ESR1: variants seen among roughly 807,000 people sequenced by gnomAD.
ESR1 encodes estrogen receptor 1, also known as estrogen receptor.
Under a neutral mutation model 52.7 loss-of-function variants are expected in ESR1, and 12 were observed. The ratio of observed to expected loss-of-function variants is 0.23; its 90% CI spans 0.15 to 0.37. The LOEUF is 0.37. Ranked by LOEUF, ESR1 falls within the 10% of genes least tolerant of loss-of-function variation. The pLI, the probability that ESR1 is intolerant of heterozygous loss-of-function variation, is 1.00. For synonymous variants in ESR1, 305 were observed against 316.8 expected (o/e 0.96, Z 0.39); for missense variants, 584 against 779.7 (o/e 0.75, Z 2.99).
chr6:151,663,857 A>C (rs1211645268), intron 1 of ESR1, among the ~76,000 whole-genome samples: 2 of 152,222 alleles, frequency 1.3e-5, no homozygotes. Flanking sequence ...CAATAACTAC[A>C]AAAAGGTGAA....
chr6:152,046,219 T>C (rs924472819), intron 5 of ESR1, among the ~76,000 whole-genome samples: 2 of 152,206 alleles, frequency 1.3e-5, no homozygotes, highest in African/African-American at 4.8e-5. Context: ...GCCTCTCTGT[T>C]TGCATATGAG....
At chr6:151,672,005 T>G (rs1469708439) in intron 1 of ESR1, among the ~76,000 whole-genome samples, 1 of 152,098 alleles carries the variant, frequency 6.6e-6, no homozygotes, top group African/African-American at 2.4e-5. Flanking sequence ...ATTATTTTAA[T>G]TTTTATAAAT....
At chr6:151,974,516 A>G (rs1234190533) in intron 4 of ESR1, among the ~76,000 whole-genome samples, 1 of 152,150 alleles carries the variant, frequency 6.6e-6, no homozygotes, top group Non-Finnish European at 1.5e-5. Context: ...AGGACTTACA[A>G]TCAGAAATCT....
intron 1 of ESR1, among the ~76,000 whole-genome samples, chr6:151,813,919 A>G (rs1779217212): frequency 6.6e-6 from 1 of 152,144 alleles, no homozygotes; most frequent in South Asian, 2.1e-4. Context: ...AGTTCCCCAA[A>G]TGTTGTCAAC....
At chr6:151,901,492 G>C (rs1322136175) in intron 3 of ESR1, among the ~76,000 whole-genome samples, 2 of 152,190 alleles carry the variant, frequency 1.3e-5, no homozygotes, top group Non-Finnish European at 2.9e-5. Context: ...ACAAAGTTCA[G>C]CTGGAGGTTT....
At chr6:151,904,525 T>G (rs1408879930) in intron 3 of ESR1, among the ~76,000 whole-genome samples, 1 of 152,180 alleles carries the variant, frequency 6.6e-6, no homozygotes, top group Non-Finnish European at 1.5e-5. Flanking sequence ...CCCTATAAAT[T>G]ATTAGTTGTA....
At position 151,979,865 on chromosome 6, in the gene ESR1, T is replaced by A. The variant is rs9383953; in HGVS notation, c.1097-31791T>A. 4.8e-3 allele frequency among the ~76,000 whole-genome samples: 730 copies of A among 152,310 alleles called. 5 individuals carry two copies. Among genetic ancestry groups the A allele is most frequent in the East Asian group, 0.013 (68 of 5,178 alleles). Reference sequence around the variant, plus strand: ...AAAATTTAATGAGCTTTTACTGCTGTAATCTCAACAAGCAGAGTCTTTGCT... The same window carrying A: ...AAAATTTAATGAGCTTTTACTGCTGAAATCTCAACAAGCAGAGTCTTTGCT... On this transcript the variant is annotated intron_variant, in intron 4 of 7. Coordinates refer to ENST00000206249, the MANE Select transcript of ESR1 (RefSeq NM_000125.4).
At chr6:151,678,687 GT>G (rs565751558) in intron 1 of ESR1, among the ~76,000 whole-genome samples, 61 of 141,606 alleles carry the variant, frequency 4.3e-4, no homozygotes, top group Middle Eastern at 3.6e-3. Flanking sequence ...CAAACCACTG[GT>G]TTTTTTTTTT....
chr6:151,911,319 A>G (rs974638490), intron 3 of ESR1, among the ~76,000 whole-genome samples: 12 of 152,196 alleles, frequency 7.9e-5, no homozygotes, highest in African/African-American at 2.9e-4. Context: ...ATGTGATTAA[A>G]TGTTCATTTT....
chr6:151,881,472 G>A (rs1792900347), intron 3 of ESR1, among the ~76,000 whole-genome samples: 1 of 117,958 alleles, frequency 8.5e-6, no homozygotes, highest in East Asian at 2.0e-4. Flanking sequence ...CAGGAATCTG[G>A]AAACTGAATC....
chr6:152,067,056 G>C (rs1052316996), intron 6 of ESR1, among the ~76,000 whole-genome samples: 2 of 152,120 alleles, frequency 1.3e-5, no homozygotes, highest in African/African-American at 4.8e-5. Flanking sequence ...AAATTACTCT[G>C]TTCTTCTTAG....
intron 2 of ESR1, among the ~76,000 whole-genome samples, chr6:151,878,435 G>C (rs932213116): frequency 6.6e-6 from 1 of 152,166 alleles, no homozygotes; most frequent in Non-Finnish European, 1.5e-5. Flanking sequence ...ATGTTAATTT[G>C]ATCTGAAGCC....
chr6:151,938,682 GT>G (rs2128506039), intron 3 of ESR1, among the ~76,000 whole-genome samples: 1 of 152,184 alleles, frequency 6.6e-6, no homozygotes, highest in East Asian at 1.9e-4. Context: ...TGAGTTTATT[GT>G]TTTAATAAAT....
chr6:151,949,573 G>T (rs1327764963), intron 4 of ESR1, among the ~76,000 whole-genome samples: 1 of 152,230 alleles, frequency 6.6e-6, no homozygotes, highest in Non-Finnish European at 1.5e-5. Context: ...TTTAGATTTT[G>T]CACCCACTGT....
chr6:151,773,648 CAGTGACTCAGGTTGTTTTCTTACTCCA>C (rs754272915), intron 2 of ESR1, among the ~76,000 whole-genome samples: 4 of 152,196 alleles, frequency 2.6e-5, no homozygotes, highest in Non-Finnish European at 5.9e-5. Context: ...GCTGGCAACC[CAGTGACTCAGGTTGTTTTCTTACTCCA>C]AGGATCTCTG....
chr6:152,092,624 C>G (rs2050277270), intron 6 of ESR1, among the ~76,000 whole-genome samples: 1 of 152,012 alleles, frequency 6.6e-6, no homozygotes, highest in Non-Finnish European at 1.5e-5. Context: ...AGTGGTATGA[C>G]CAAAAAGTGT....
intron 2 of ESR1, among the ~76,000 whole-genome samples, chr6:151,873,170 T>C (rs928688948): frequency 6.6e-6 from 1 of 152,170 alleles, no homozygotes; most frequent in Middle Eastern, 3.2e-3. Flanking sequence ...TTTCCATATA[T>C]GGAGGTTGTT....
Position 152,101,617 on chromosome 6 carries a change from C to A in ESR1, c.*2651C>A. ...CTAATGGACAGCAGATATTTTCTGG[C>A]TGATGTTGGTATTGGGTGTAGGAAC... On this transcript the variant is annotated 3_prime_UTR_variant, in exon 8 of 8. Transcript: ENST00000206249. 1 of 230,684 alleles carries A rather than the reference C, an allele frequency of 4.3e-6. No individual in the cohort carries two copies. The allele number at this position is 230,684 out of a possible 1,614,324, so 14.3% of individuals were successfully genotyped here.
At chr6:151,976,436 ATT>A (rs879802058) in intron 4 of ESR1, among the ~76,000 whole-genome samples, 2 of 143,496 alleles carry the variant, frequency 1.4e-5, no homozygotes, top group Non-Finnish European at 1.5e-5. Context: ...ATATTTCACT[ATT>A]TTTTTTTTTT....
Sources: allele counts gnomAD v4.1 joint callset (sites outside exome capture counted in the v4.1 genomes callset), GRCh38; gene constraint gnomAD v4.1.1; transcripts MANE v1.5; gene names NCBI Gene and HGNC (gene_info 2026-07-23, HGNC 2026-07-21).